Variants in GLOD4 observed in about 807,000 individuals in gnomAD.
The protein encoded by GLOD4 is glyoxalase domain containing 4, also known as glyoxalase domain-containing protein 4.
Under a neutral mutation model 39.1 loss-of-function variants are expected in GLOD4, and 44 were observed. The ratio of observed to expected loss-of-function variants is 1.13; its 90% confidence interval spans 0.88 to 1.45. GLOD4 has a LOEUF of 1.45. Among genes scored for constraint, GLOD4 ranks in the 40% most tolerant of loss-of-function variants. GLOD4 has a pLI of 0.00. For missense variants in GLOD4, 405 were observed against 366.4 expected (o/e 1.11, Z -0.86); for synonymous variants, 145 against 135.0 (o/e 1.07, Z -0.52).
At chr17:781,416 G>A (rs750148868) in intron 1 of GLOD4, among the ~76,000 whole-genome samples, 10 of 152,052 alleles carry the variant, frequency 6.6e-5, no homozygotes, top group Non-Finnish European at 1.2e-4. Flanking sequence ...TATATATCAG[G>A]GTCATTTGCA....
intron 4 of GLOD4, among the ~76,000 whole-genome samples, chr17:772,623 G>A (rs544578593): frequency 6.6e-6 from 1 of 152,182 alleles, no homozygotes; most frequent in African/African-American, 2.4e-5. Context: ...GGAAAAGAAT[G>A]AACATGCTAG....
At position 760,073 on chromosome 17, in the gene GLOD4, C is replaced by G. The variant is rs904371968; in HGVS notation, c.*100G>C. Reference sequence around the variant, plus strand: ...CACTACCCAAGCCTCCTTGCCTGTACGGGAAACAAATCAGAAGAGCATTTA... The same window carrying G: ...CACTACCCAAGCCTCCTTGCCTGTAGGGGAAACAAATCAGAAGAGCATTTA... On this transcript the variant is annotated 3_prime_UTR_variant, in exon 9 of 9. Transcript: ENST00000301329. 1 of 761,698 alleles carries G rather than the reference C, an allele frequency of 1.3e-6. No homozygotes were observed. Among genetic ancestry groups the G allele is most frequent in the African/African-American group, 1.7e-5 (1 of 58,000 alleles). The allele number at this position is 761,698 out of a possible 1,614,324, so 47.2% of individuals were successfully genotyped here.
At chr17:779,422 G>A (rs1909500430) in intron 1 of GLOD4, among the ~76,000 whole-genome samples, 1 of 150,776 alleles carries the variant, frequency 6.6e-6, no homozygotes, top group Admixed American at 6.6e-5. Flanking sequence ...CTGAGGTCGG[G>A]AGTTCGAGAC....
chr17:784,192 T>G (rs1267176159), upstream of GLOD4, among the ~76,000 whole-genome samples: 1 of 152,232 alleles, frequency 6.6e-6, no homozygotes, highest in African/African-American at 2.4e-5. Flanking sequence ...GTTTTTGACA[T>G]GGGAGTTTTA....
At chr17:763,701 A>G (rs1393791953) in intron 8 of GLOD4, 1 of 152,150 alleles carries the variant, frequency 6.6e-6, no homozygotes, top group Non-Finnish European at 1.5e-5. Flanking sequence ...TACACTCCCA[A>G]GTAGCCTTTA....
In GLOD4 at chr17:776,874, G is replaced by A. The variant is rs747220485; in HGVS notation, c.255C>T (p.Asp85=). The change falls in exon 3 of 9, where the codon GAC becomes GAT. Residue 85 remains aspartate (D), a synonymous_variant. Coordinates refer to ENST00000301329, the MANE Select transcript of GLOD4 (RefSeq NM_016080.4). ...YGVGDYKLGN[D]FMGITLASSQ... is the part of the protein sequence containing the mutation. ...AGAAAAAAACGGTATTTACCATAAA[G>A]TCATTGCCAAGCTTGTAGTCTCCGA... The A allele has an allele frequency of 6.2e-7, 1 of 1,613,146 alleles. No individual in the cohort carries two copies. The highest frequency in any genetic ancestry group is 1.1e-5 in the South Asian group (1 of 91,056).
intron 8 of GLOD4, among the ~76,000 whole-genome samples, chr17:768,332 T>A (rs1907125103): frequency 7.2e-6 from 1 of 139,542 alleles, no homozygotes; most frequent in Admixed American, 7.3e-5. Context: ...GAAGAGGACG[T>A]GAGAGAGAGA....
At chr17:783,480 G>T (rs944040832), upstream of GLOD4, 2 of 704,260 alleles carry the variant, frequency 2.8e-6, no homozygotes, top group Non-Finnish European at 4.4e-6. Context: ...GGGATTACAG[G>T]CGTCTGCCAC....
At position 771,363 on chromosome 17, in the gene GLOD4, C is replaced by T. The variant is rs1485109422; in HGVS notation, c.505G>A (p.Glu169Lys). ...LGMKIYEKDE[E>K]KQRALLGYAD... ...TAGCCCAGCAAAGCCCTTTGCTTTTCTTCATCTTTTTCATAAATTTTCATT... is the reference window on the plus strand; with the variant it reads ...TAGCCCAGCAAAGCCCTTTGCTTTTTTTCATCTTTTTCATAAATTTTCATT... Residue 169 changes from glutamate to lysine, a missense_variant, in exon 5 of 9, where the codon GAA (glutamate) becomes AAA (lysine). Glu to Lys is a moderately conservative substitution (Grantham distance 56, BLOSUM62 1). Transcript: ENST00000301329. 3 of 1,605,336 alleles carry T rather than the reference C, an allele frequency of 1.9e-6. No homozygotes were observed. The highest frequency in any genetic ancestry group is 2.6e-6 in the Non-Finnish European group (3 of 1,174,164).
chr17:759,364 A>G lies in GLOD4; in HGVS notation c.*809T>C, dbSNP rs1346524237. 1.3e-5 allele frequency: 2 copies of G among 152,224 alleles called. No individual in the cohort carries two copies. Among genetic ancestry groups the G allele is most frequent in the East Asian group, 3.8e-4 (2 of 5,202 alleles). 9.4% of individuals were successfully genotyped at this position (152,224 alleles called of 1,614,324 possible). ...AAAAAAATTTATTCAATGAATACAC[A>G]ATATAATTCCATTTCGAGTGATTAA... is the stretch of plus-strand genomic sequence containing the variant. On this transcript the variant is annotated 3_prime_UTR_variant, in exon 9 of 9. Transcript: ENST00000301329.
At chr17:783,203 C>T (rs776856769), upstream of GLOD4, 36 of 1,614,042 alleles carry the variant, frequency 2.2e-5, no homozygotes, top group South Asian at 2.4e-4. Flanking sequence ...AAATGTTCTT[C>T]TTTAGCCGTC....
chr17:767,285 T>C (rs915178592), intron 8 of GLOD4, among the ~76,000 whole-genome samples: 3 of 152,242 alleles, frequency 2.0e-5, no homozygotes, highest in Admixed American at 2.0e-4. Context: ...ATGCCAGGTA[T>C]GTGCTAGGAG....
intron 8 of GLOD4, among the ~76,000 whole-genome samples, chr17:767,411 T>G (rs1906773519): frequency 6.6e-6 from 1 of 152,166 alleles, no homozygotes; most frequent in Non-Finnish European, 1.5e-5. Flanking sequence ...CAAGAGCCAG[T>G]GCAAAACAGA....
At chr17:766,222 T>A (rs964303363) in intron 8 of GLOD4, among the ~76,000 whole-genome samples, 2 of 150,442 alleles carry the variant, frequency 1.3e-5, no homozygotes, top group Non-Finnish European at 3.0e-5. Context: ...CACTGGAACA[T>A]AGGAGGCGGA....
intron 8 of GLOD4, chr17:763,880 A>AGG (rs1905991184): frequency 1.3e-5 from 2 of 152,234 alleles, no homozygotes; most frequent in African/African-American, 4.8e-5. Flanking sequence ...GACTTCACCA[A>AGG]AATAAAAAAT....
At chr17:770,215 C>A in intron 6 of GLOD4, 58 bp from the exon 7 acceptor site, 1 of 912,174 alleles carries the variant, frequency 1.1e-6, no homozygotes. Context: ...GGACACGGCC[C>A]TCGTCAGTCC....
chr17:782,624 C>A, upstream of GLOD4: 1 of 1,613,884 alleles, frequency 6.2e-7, no homozygotes, highest in Non-Finnish European at 8.5e-7. Context: ...CCGCATCCCG[C>A]GCTCCCAGCA....
At chr17:782,456 G>T, upstream of GLOD4, 1 of 1,613,914 alleles carries the variant, frequency 6.2e-7, no homozygotes, top group African/African-American at 1.3e-5. Context: ...ACCTTGACGC[G>T]AGGCGCTGGG....
intron 3 of GLOD4, among the ~76,000 whole-genome samples, chr17:776,473 C>G (rs1436929662): frequency 3.9e-5 from 6 of 152,206 alleles, no homozygotes; most frequent in Non-Finnish European, 8.8e-5. Flanking sequence ...TAGTCCACCC[C>G]CAGACTGCAG....
Sources: gnomAD v4.1 joint callset for allele counts (sites outside exome capture counted in the v4.1 genomes callset) on GRCh38, gnomAD v4.1.1 for gene constraint, MANE v1.5 for transcripts, NCBI Gene and HGNC (gene_info 2026-07-23, HGNC 2026-07-21) for gene names.